Variants in GSE1 observed in about 807,000 individuals in gnomAD.
GSE1 encodes Gse1 coiled-coil protein.
A neutral mutation model predicts 112.6 loss-of-function variants in GSE1; 32 were observed. That is an observed-to-expected ratio of 0.28 (90% CI 0.21 to 0.38). The LOEUF is 0.38. GSE1 is among the 10% of genes least tolerant of loss of function. GSE1 has a pLI of 1.00. For synonymous variants in GSE1, 1,115 were observed against 735.6 expected, an observed-to-expected ratio of 1.52 and a Z score of -8.35; for missense variants, 2,348 against 1,699.2, an observed-to-expected ratio of 1.38 and a Z score of -6.71.
At chr16:85,483,727 C>T (rs368619193) in intron 2 of GSE1, among the ~76,000 whole-genome samples, 3 of 152,262 alleles carry the variant, frequency 2.0e-5, no homozygotes, top group Non-Finnish European at 2.9e-5. Context: ...CGAGGGAGCC[C>T]GTCCCCGTGT....
chr16:85,446,409 CT>C (rs1221900252), intron 2 of GSE1, among the ~76,000 whole-genome samples: 3 of 152,192 alleles, frequency 2.0e-5, no homozygotes, highest in Non-Finnish European at 4.4e-5. Flanking sequence ...TGGAGACGAT[CT>C]GCTGTAAGCT....
At chr16:85,209,038 G>T (rs941714970) in intron 1 of GSE1, among the ~76,000 whole-genome samples, 2 of 151,820 alleles carry the variant, frequency 1.3e-5, no homozygotes, top group African/African-American at 2.4e-5. Flanking sequence ...GCCTGTGTTG[G>T]GGTTTGCCAC....
intron 1 of GSE1, chr16:85,283,386 G>A (rs1478686696): frequency 6.5e-6 from 1 of 152,764 alleles, no homozygotes; most frequent in Non-Finnish European, 1.5e-5. Context: ...GAGCATCTTG[G>A]CTCTGCTTGG....
At chr16:85,657,251 C>G (rs2052040488) in intron 7 of GSE1, 26 bp from the exon 8 acceptor site, 3 of 1,495,060 alleles carry the variant, frequency 2.0e-6, no homozygotes, top group South Asian at 1.3e-5. Flanking sequence ...GGCTGAGATC[C>G]TGCTTGACCG....
chr16:85,171,789 G>C, exon 1 of GSE1: 1 of 985,654 alleles, frequency 1.0e-6, no homozygotes, highest in Non-Finnish European at 1.2e-6. Flanking sequence ...GGAGCTCCCC[G>C]GTGGCAGCAG....
chr16:85,647,033 A>G (rs1252619635), intron 2 of GSE1, among the ~76,000 whole-genome samples: 1 of 152,166 alleles, frequency 6.6e-6, no homozygotes, highest in African/African-American at 2.4e-5. Context: ...GAGGGAGACA[A>G]CAGAGGGGAG....
intron 1 of GSE1, among the ~76,000 whole-genome samples, chr16:85,561,403 T>A (rs550990092): frequency 6.6e-6 from 1 of 151,796 alleles, no homozygotes; most frequent in African/African-American, 2.4e-5. Context: ...CCGCTGGCGT[T>A]GGCAGCGGCG....
intron 1 of GSE1, among the ~76,000 whole-genome samples, chr16:85,284,189 G>C (rs2044944164): frequency 6.6e-6 from 1 of 152,244 alleles, no homozygotes; most frequent in African/African-American, 2.4e-5. Context: ...GGAGAATTGA[G>C]AATCTGCCCG....
At chr16:85,209,401 G>A (rs1348137061) in intron 1 of GSE1, among the ~76,000 whole-genome samples, 4 of 152,092 alleles carry the variant, frequency 2.6e-5, no homozygotes, top group Non-Finnish European at 5.9e-5. Flanking sequence ...CCCCGCCCCT[G>A]CTCTGATCAT....
At chr16:85,538,813 T>A (rs2044420565) in intron 2 of GSE1, among the ~76,000 whole-genome samples, 1 of 152,184 alleles carries the variant, frequency 6.6e-6, no homozygotes, top group African/African-American at 2.4e-5. Context: ...TCGTTTCCTT[T>A]CCTGCTTTAA....
At chr16:85,492,506 G>A (rs146451242) in intron 2 of GSE1, among the ~76,000 whole-genome samples, 105 of 152,272 alleles carry the variant, frequency 6.9e-4, no homozygotes, top group African/African-American at 2.4e-3. Context: ...CCTCACCCAC[G>A]TTCACTTGTT....
intron 1 of GSE1, among the ~76,000 whole-genome samples, chr16:85,284,201 C>T (rs982543506): frequency 4.6e-5 from 7 of 152,200 alleles, no homozygotes; most frequent in African/African-American, 1.2e-4. Context: ...ATCTGCCCGG[C>T]GGGTCGTGCT....
chr16:85,286,407 C>T (rs967454215), intron 1 of GSE1, among the ~76,000 whole-genome samples: 1 of 152,214 alleles, frequency 6.6e-6, no homozygotes, highest in African/African-American at 2.4e-5. Flanking sequence ...GCCTCATCTC[C>T]CCTCAAATTG....
In GSE1 at chr16:85,656,577, C is replaced by T. The variant is rs1303915188; in HGVS notation, c.1224C>T (p.Phe408=). 2.6e-6 allele frequency: 4 copies of T among 1,547,566 alleles called. No individual in the cohort carries two copies. Among genetic ancestry groups the T allele is most frequent in the South Asian group, 2.4e-5 (2 of 83,932 alleles). The change falls in exon 7 of 16, where the codon TTC becomes TTT. Residue 408 remains phenylalanine (F), a synonymous_variant. Coordinates refer to ENST00000253458, the MANE Select transcript of GSE1 (RefSeq NM_014615.5). ...LLAAKALEPS[F]LPVAELHGLR... is the part of the protein sequence containing the mutation. ...CCGCCAAGGCCCTGGAGCCCAGCTTCCTGCCCGTGGCCGAGCTGCATGGGC... is the reference window on the plus strand; with the variant it reads ...CCGCCAAGGCCCTGGAGCCCAGCTTTCTGCCCGTGGCCGAGCTGCATGGGC...
intron 2 of GSE1, among the ~76,000 whole-genome samples, chr16:85,544,055 G>A (rs1337556959): frequency 6.6e-6 from 1 of 152,202 alleles, no homozygotes; most frequent in African/African-American, 2.4e-5. Context: ...GGCTGATGTC[G>A]AACTCCTGGG....
chr16:85,437,591 G>A (rs2049280098), intron 2 of GSE1, among the ~76,000 whole-genome samples: 1 of 152,102 alleles, frequency 6.6e-6, no homozygotes, highest in South Asian at 2.1e-4. Context: ...CATGCTCGGG[G>A]GATTGGGATC....
chr16:85,590,294 G>A (rs1157311793), intron 1 of GSE1, among the ~76,000 whole-genome samples: 1 of 151,138 alleles, frequency 6.6e-6, no homozygotes, highest in Non-Finnish European at 1.5e-5. Flanking sequence ...GTGTGACTGT[G>A]TGTGTGAACG....
At chr16:85,169,548 C>G in exon 1 of GSE1, 1 of 968,936 alleles carries the variant, frequency 1.0e-6, no homozygotes, top group East Asian at 1.2e-4. Context: ...CGGCCCCGGT[C>G]TCCCGCAAGC....
Position 85,353,662 on chromosome 16 carries a change from G to T in GSE1, c.2284-3801G>T, listed in dbSNP as rs183304214. ...CAGCCTCGGCAACAAGCAAGACCCT[G>T]TCTCTTAATAAAAACATGTTTAAAA... On this transcript the variant is annotated intron_variant, in intron 1 of 2. Coordinates refer to the GSE1 transcript ENST00000637419. Among the ~76,000 whole-genome samples, 20 of 152,296 alleles carry T rather than the reference G, an allele frequency of 1.3e-4. No homozygotes were observed. In the East Asian group the frequency reaches 3.7e-3, roughly 28 times the overall value.
Sources: gnomAD v4.1 joint callset for allele counts (sites outside exome capture counted in the v4.1 genomes callset) on GRCh38, gnomAD v4.1.1 for gene constraint, MANE v1.5 for transcripts, NCBI Gene and HGNC (gene_info 2026-07-23, HGNC 2026-07-21) for gene names.